Variants in ZNF407 observed in about 807,000 individuals in gnomAD.
The protein encoded by ZNF407 is zinc finger protein 407.
Under a neutral mutation model 131.2 loss-of-function variants are expected in ZNF407, and 17 were observed. The observed-to-expected ratio is 0.13, with a 90% confidence interval of 0.09 to 0.19. The LOEUF (loss-of-function observed/expected upper bound fraction) is 0.19, where lower values mean the gene tolerates loss of function less well. ZNF407 is among the 10% of genes least tolerant of loss of function. The pLI is 1.00. For synonymous variants in ZNF407, 1,156 were observed against 1,062.0 expected (o/e 1.09, Z -1.72); for missense variants, 2,681 against 2,830.6 (o/e 0.95, Z 1.20).
intron 3 of ZNF407, among the ~76,000 whole-genome samples, chr18:74,755,529 T>TTCGCTCTCTCCC (rs1968909821): frequency 1.4e-5 from 1 of 70,004 alleles, no homozygotes; most frequent in Non-Finnish European, 2.6e-5. Flanking sequence ...TGATGTATCT[T>TTCGCTCTCTCCC]TCCCTCTCTC....
intron 3 of ZNF407, among the ~76,000 whole-genome samples, chr18:74,736,161 T>C (rs1968406948): frequency 6.6e-6 from 1 of 152,208 alleles, no homozygotes; most frequent in Admixed American, 6.5e-5. Flanking sequence ...CACCTTAATT[T>C]ACATGCTTTT....
chr18:74,634,478 A>G lies in ZNF407; in HGVS notation c.3459A>G (p.Glu1153=). The G allele has an allele frequency of 1.2e-6, 2 of 1,613,814 alleles. No individual in the cohort carries two copies. The highest frequency in any genetic ancestry group is 1.1e-5 in the South Asian group (1 of 91,084). ...CTGACTCTGTAGAAGTTGAGACTGA[A>G]GAAGAATCTAATTTCAATGAAGACC... is the stretch of plus-strand genomic sequence containing the variant. ...CAADSVEVET[E]EESNFNEDHS... is the part of the protein sequence containing the mutation. The change falls in exon 2 of 9, where the codon GAA becomes GAG. Residue 1153 remains glutamate, a synonymous_variant. Transcript: ENST00000299687.
intron 3 of ZNF407, among the ~76,000 whole-genome samples, chr18:74,689,669 A>G (rs1192878383): frequency 3.9e-5 from 6 of 152,184 alleles, no homozygotes; most frequent in African/African-American, 1.4e-4. Context: ...ATAGAATTGA[A>G]AGCTTCCACT....
chr18:74,997,348 C>G (rs1279899068), intron 8 of ZNF407, among the ~76,000 whole-genome samples: 1 of 152,154 alleles, frequency 6.6e-6, no homozygotes, highest in Non-Finnish European at 1.5e-5. Flanking sequence ...AATTAGGGGC[C>G]TCTCGCAGCT....
At chr18:74,913,677 A>G (rs1433783387) in intron 7 of ZNF407, among the ~76,000 whole-genome samples, 2 of 152,196 alleles carry the variant, frequency 1.3e-5, no homozygotes, top group Admixed American at 6.5e-5. Flanking sequence ...GACTTCTGTC[A>G]TATCCATTAT....
At chr18:74,897,730 A>G (rs1971471630) in intron 7 of ZNF407, among the ~76,000 whole-genome samples, 1 of 152,210 alleles carries the variant, frequency 6.6e-6, no homozygotes, top group Non-Finnish European at 1.5e-5. Flanking sequence ...AACTATCTAT[A>G]TCTTCCAGCA....
chr18:74,630,124 G>A (rs1983983930), intron 1 of ZNF407, among the ~76,000 whole-genome samples: 1 of 150,842 alleles, frequency 6.6e-6, no homozygotes, highest in Non-Finnish European at 1.5e-5. Context: ...AAAAATCATG[G>A]TAAAGCTCTT....
chr18:74,903,082 C>G (rs530276292), intron 7 of ZNF407, among the ~76,000 whole-genome samples: 1 of 152,160 alleles, frequency 6.6e-6, no homozygotes, highest in African/African-American at 2.4e-5. Context: ...TGTGACCAGG[C>G]CTGCCAGACT....
intron 8 of ZNF407, among the ~76,000 whole-genome samples, chr18:74,938,518 T>C (rs1972063754): frequency 6.6e-6 from 1 of 152,216 alleles, no homozygotes; most frequent in African/African-American, 2.4e-5. Flanking sequence ...CCTCCAACCA[T>C]TTTTTAAAAT....
chr18:75,039,541 C>T (rs935298765), intron 8 of ZNF407, among the ~76,000 whole-genome samples: 5 of 152,062 alleles, frequency 3.3e-5, no homozygotes, highest in Admixed American at 2.0e-4. Context: ...CCACAGAGCC[C>T]CAACGTTTGA....
At chr18:74,999,859 A>C (rs963294458) in intron 8 of ZNF407, among the ~76,000 whole-genome samples, 1 of 152,236 alleles carries the variant, frequency 6.6e-6, no homozygotes, top group Non-Finnish European at 1.5e-5. Context: ...AATGTGTTAC[A>C]TGAAAAAAAG....
intron 3 of ZNF407, among the ~76,000 whole-genome samples, chr18:74,715,199 G>A (rs1967865676): frequency 6.6e-6 from 1 of 152,212 alleles, no homozygotes; most frequent in Non-Finnish European, 1.5e-5. Flanking sequence ...AACTTGAAAT[G>A]TGGTTCACAC....
chr18:74,826,162 A>G (rs1970407148), intron 4 of ZNF407, among the ~76,000 whole-genome samples: 1 of 152,228 alleles, frequency 6.6e-6, no homozygotes. Flanking sequence ...GTTTTAAATT[A>G]GAGGAATAAA....
chr18:74,780,613 A>G lies in ZNF407; in HGVS notation c.4803-815A>G, dbSNP rs189070709. Among the ~76,000 whole-genome samples, 1,380 of 152,326 alleles carry G rather than the reference A, an allele frequency of 9.1e-3. 24 individuals are homozygous for G. Among genetic ancestry groups the G allele is most frequent in the African/African-American group, 0.03 (1,267 of 41,582 alleles). ...ATACATAATTAACAAAAATGTTTGC[A>G]AGCCCTTTTACACTGAAAGTTACAG... On this transcript the variant is annotated intron_variant, in intron 3 of 8. Coordinates refer to ENST00000299687, the MANE Select transcript of ZNF407 (RefSeq NM_017757.3).
intron 3 of ZNF407, among the ~76,000 whole-genome samples, chr18:74,755,769 CTT>C (rs1388001182): frequency 2.5e-5 from 3 of 119,208 alleles, no homozygotes; most frequent in African/African-American, 7.8e-5. Flanking sequence ...TTCTTTCTTT[CTT>C]TCTCTCTCTC....
intron 8 of ZNF407, among the ~76,000 whole-genome samples, chr18:74,936,095 T>C (rs533633811): frequency 6.6e-6 from 1 of 152,238 alleles, no homozygotes; most frequent in Non-Finnish European, 1.5e-5. Flanking sequence ...AATTTCTCTA[T>C]CTGCTTCTAA....
intron 4 of ZNF407, among the ~76,000 whole-genome samples, chr18:74,806,771 T>C (rs1255666796): frequency 6.6e-6 from 1 of 152,220 alleles, no homozygotes; most frequent in Non-Finnish European, 1.5e-5. Flanking sequence ...GGAATAATAC[T>C]CCCTTTAGAA....
At chr18:74,793,147 A>G (rs148214241) in intron 4 of ZNF407, among the ~76,000 whole-genome samples, 1,982 of 152,290 alleles carry the variant, frequency 0.013, 27 homozygotes, top group Middle Eastern at 0.034. Context: ...ATTTTTCTTT[A>G]CTCATTGTAT....
intron 7 of ZNF407, among the ~76,000 whole-genome samples, chr18:74,895,335 G>T (rs1010184943): frequency 6.6e-6 from 1 of 151,092 alleles, no homozygotes; most frequent in African/African-American, 2.4e-5. Flanking sequence ...GTGTCTCTTT[G>T]ATTTCACATC....
Sources: allele counts gnomAD v4.1 joint callset (sites outside exome capture counted in the v4.1 genomes callset), GRCh38; gene constraint gnomAD v4.1.1; transcripts MANE v1.5; gene names NCBI Gene and HGNC (gene_info 2026-07-23, HGNC 2026-07-21).